Variants in MIDN observed in about 807,000 individuals in gnomAD.
MIDN encodes the protein midbrain nucleolar protein.
A neutral mutation model predicts 46.1 loss-of-function variants in MIDN; 26 were observed. The observed-to-expected ratio is 0.56, with a 90% CI of 0.41 to 0.78. The LOEUF (loss-of-function observed/expected upper bound fraction) is 0.78, where lower values mean the gene tolerates loss of function less well. Ranked by LOEUF, MIDN falls within the 30% of genes least tolerant of loss-of-function variation. The probability of loss-of-function intolerance (pLI) is 0.00; values close to 1 mark genes in which losing one functional copy is unlikely to be tolerated. For synonymous variants in MIDN, 432 were observed against 343.3 expected, an observed-to-expected ratio of 1.26 and a Z score of -2.86; for missense variants, 850 against 771.8, an observed-to-expected ratio of 1.10 and a Z score of -1.20.
intron 8 of MIDN, among the ~76,000 whole-genome samples, chr19:1,256,515 C>T (rs1340213981): frequency 6.6e-6 from 1 of 151,804 alleles, no homozygotes; most frequent in Non-Finnish European, 1.5e-5. Context: ...GTACAACCCC[C>T]AAGTATCTCC....
At chr19:1,255,148 A>G (rs2081182808) in intron 7 of MIDN, 87 bp downstream of exon 7, 9 of 1,453,066 alleles carry the variant, frequency 6.2e-6, no homozygotes, top group South Asian at 2.5e-5. Context: ...GCGACTCCAC[A>G]TATTCTGGGC....
At chr19:1,251,427 C>A in intron 2 of MIDN, 135 bp from the exon 3 acceptor site, 1 of 747,888 alleles carries the variant, frequency 1.3e-6, no homozygotes, top group Non-Finnish European at 2.1e-6. Flanking sequence ...GGCCCTGGAT[C>A]TGGAAGCCGG....
In MIDN at chr19:1,249,216, G is replaced by C. The variant is rs978645856; in HGVS notation, c.-408+556G>C. Among the ~76,000 whole-genome samples the C allele has an allele frequency of 9.5e-5, 14 of 148,080 alleles. No homozygotes were observed. The South Asian group carries it at 1.9e-3, about 20-fold the overall frequency. On this transcript the variant is annotated intron_variant, in intron 1 of 8. Transcript: ENST00000682408. ...CGCGGCCGGCGGGTGGGCGCGCGGG[G>C]CCCCCGGCGGCAGCCACCCGGCCAC...
At position 1,250,265 on chromosome 19, in the gene MIDN, CG is replaced by C; in HGVS notation, c.-31del. On this transcript the variant is annotated 5_prime_UTR_variant, in exon 2 of 9. Transcript: ENST00000682408. ...AGGCGCGGCGAGGATTGGCGGCGCC[CG>C]CCGCCCCCAGCCCCCCAGCGCGCGC... 1.1e-6 allele frequency: 1 copy of C among 922,996 alleles called. No homozygotes were observed. The highest frequency in any genetic ancestry group is 1.3e-6 in the Non-Finnish European group (1 of 773,408). The allele number at this position is 922,996 out of a possible 1,614,324, so 57.2% of individuals were successfully genotyped here.
chr19:1,254,814 C>G (rs886837187), intron 6 of MIDN, 88 bp from the exon 7 acceptor site: 8 of 1,450,822 alleles, frequency 5.5e-6, no homozygotes, highest in Non-Finnish European at 7.4e-6. Context: ...ATCTCCTGAC[C>G]TGGGCTGGTG....
chr19:1,252,326 C>T (rs965571076), intron 4 of MIDN, among the ~76,000 whole-genome samples: 6 of 152,146 alleles, frequency 3.9e-5, no homozygotes, highest in African/African-American at 1.4e-4. Flanking sequence ...TTGGGTGACA[C>T]TCCTTCCGCC....
chr19:1,252,422 G>C (rs1423524399), intron 4 of MIDN, among the ~76,000 whole-genome samples: 3 of 151,782 alleles, frequency 2.0e-5, no homozygotes, highest in African/African-American at 7.3e-5. Flanking sequence ...CGAAAGGGGA[G>C]GGGGCGGGGG....
At chr19:1,253,421 A>AC (rs59156314) in intron 4 of MIDN, among the ~76,000 whole-genome samples, 26,704 of 143,766 alleles carry the variant, frequency 0.19, 2,724 homozygotes, top group Admixed American at 0.29. Flanking sequence ...AACCTCCGCC[A>AC]CCCCCCCCCC....
chr19:1,251,468 C>T (rs2081126809), intron 2 of MIDN, 94 bp from the exon 3 acceptor site: 1 of 1,137,320 alleles, frequency 8.8e-7, no homozygotes, highest in African/African-American at 1.6e-5. Flanking sequence ...TTATCCGTCT[C>T]TCCCCACACA....
rs2081208469 is a variant in MIDN, at chr19:1,257,102, C to A, written c.1366C>A (p.Arg456=). Residue 456 remains arginine, a synonymous_variant, in exon 9 of 9, where the codon CGG becomes AGG. Transcript: ENST00000682408. The stretch of plus-strand genomic sequence containing the variant: ...CCGTAGAAAGGCCCGGCGGGACGCG[C>A]GGGGTCCGTACCACTGGTCACCCAG... ...RLRRKARRDA[R]GPYHWSPSRK... is the part of the protein sequence containing the mutation. 6.2e-7 allele frequency: 1 copy of A among 1,612,016 alleles called. No individual in the cohort carries two copies.
rs2081219623 is a variant in MIDN, at chr19:1,257,800, C to G, written c.*528C>G. The G allele has an allele frequency of 6.5e-6, 1 of 153,848 alleles. No homozygotes were observed. Among genetic ancestry groups the G allele is most frequent in the African/African-American group, 2.4e-5 (1 of 41,466 alleles). The allele number at this position is 153,848 out of a possible 1,614,324, so 9.5% of individuals were successfully genotyped here. ...CCCCCCAGTGCAGACTTCGGGGTCT[C>G]CACCCCAGGCCAGCAGCGCCCACTG... is the stretch of plus-strand genomic sequence containing the variant. On this transcript the variant is annotated 3_prime_UTR_variant, in exon 9 of 9. Coordinates refer to ENST00000682408, the MANE Select transcript of MIDN (RefSeq NM_001388306.1).
rs538696961 is a variant in MIDN at position 1,257,421 on chromosome 19, A to AT, written c.*156dup. The AT allele has an allele frequency of 2.6e-4, 164 of 633,496 alleles. No individual in the cohort carries two copies. In the East Asian group the frequency reaches 3.5e-3, roughly 13 times the overall value. 39.2% of individuals were successfully genotyped at this position (633,496 alleles called of 1,614,324 possible). A position where few individuals can be genotyped will look rare whatever the true frequency, so the allele number is the denominator to read the frequency against. On this transcript the variant is annotated 3_prime_UTR_variant, in exon 9 of 9. Transcript: ENST00000682408. ...TTTTTTTCTTTTCTTCTTTTTTATT[A>AT]TTTTTTTCTTTTTTTAAAAAGTTCT...
rs1174675534 is a variant in MIDN, at chr19:1,255,725, C to T, written c.1258+31C>T. 4 of 1,511,570 alleles carry T rather than the reference C, an allele frequency of 2.6e-6. No homozygotes were observed. In the East Asian group the frequency reaches 7.0e-5, roughly 26 times the overall value. The allele number at this position is 1,511,570 out of a possible 1,614,324, so 93.6% of individuals were successfully genotyped here. A position where few individuals can be genotyped will look rare whatever the true frequency, so the allele number is the denominator to read the frequency against. On this transcript the variant is annotated intron_variant, in intron 8 of 8. Coordinates refer to ENST00000682408, the MANE Select transcript of MIDN (RefSeq NM_001388306.1). ...TGGCCACCCTCGGGGGTCCTACCTT[C>T]CCCGCCCGCCTGGGCTTCTCAAGGC...
At position 1,254,895 on chromosome 19, in the gene MIDN, C is replaced by T. The variant is rs1195316857; in HGVS notation, c.826-7C>T. ...CCCCGTGCTCATGTGCCCCTTCCTCCCATCAGCAGATGGACTGCTCCCCCA... is the reference window on the plus strand; with the variant it reads ...CCCCGTGCTCATGTGCCCCTTCCTCTCATCAGCAGATGGACTGCTCCCCCA... On this transcript the variant is annotated splice_region_variant and splice_polypyrimidine_tract_variant and intron_variant, in intron 6 of 8. Transcript: ENST00000682408. 9 of 1,597,948 alleles carry T rather than the reference C, an allele frequency of 5.6e-6. No individual in the cohort carries two copies. Among genetic ancestry groups the T allele is most frequent in the Non-Finnish European group, 7.7e-6 (9 of 1,171,346 alleles).
intron 4 of MIDN, among the ~76,000 whole-genome samples, chr19:1,252,235 G>A (rs1198827877): frequency 6.6e-6 from 1 of 152,180 alleles, no homozygotes; most frequent in Non-Finnish European, 1.5e-5. Context: ...CCCCACCGAG[G>A]AGCCCCCCTC....
chr19:1,251,963 G>T (rs1020912577), intron 4 of MIDN, 62 bp downstream of exon 4: 5 of 1,412,352 alleles, frequency 3.5e-6, no homozygotes, highest in Non-Finnish European at 4.0e-6. Flanking sequence ...CTTGGCCACC[G>T]ACGGGGCCTG....
At chr19:1,255,181 C>A in intron 7 of MIDN, 120 bp downstream of exon 7, 1 of 1,277,672 alleles carries the variant, frequency 7.8e-7, no homozygotes. Context: ...TGTCCGTCTG[C>A]TCACTTCACA....
rs758714390 is a variant in MIDN, at chr19:1,255,565, G to A, written c.1129G>A (p.Ala377Thr). The A allele has an allele frequency of 2.3e-5, 37 of 1,611,670 alleles. No individual in the cohort carries two copies. The highest frequency in any genetic ancestry group is 1.6e-4 in the Middle Eastern group (1 of 6,082). ...TTCGCTGGCCCAGCTCCGCTGCCACGCCCAGTGCTCCCCGGCCTCACCGGC... is the reference window on the plus strand; with the variant it reads ...TTCGCTGGCCCAGCTCCGCTGCCACACCCAGTGCTCCCCGGCCTCACCGGC... ...PPSLAQLRCH[A>T]QCSPASPAPD... The change falls in exon 8 of 9, where the codon GCC (alanine) becomes ACC (threonine). Residue 377 changes from alanine (A) to threonine (T), a missense_variant. Ala to Thr is a moderately conservative substitution (Grantham distance 58). Transcript: ENST00000682408.
intron 4 of MIDN, among the ~76,000 whole-genome samples, 156 bp downstream of exon 4, chr19:1,252,057 ACCT>A (rs550757886): frequency 1.0e-3 from 152 of 151,486 alleles, no homozygotes; most frequent in Non-Finnish European, 1.6e-3. Context: ...TGGCCTCCCC[ACCT>A]CCTCTCCCCC....
Sources: allele counts gnomAD v4.1 joint callset (sites outside exome capture counted in the v4.1 genomes callset), GRCh38; gene constraint gnomAD v4.1.1; transcripts MANE v1.5; gene names NCBI Gene and HGNC (gene_info 2026-07-23, HGNC 2026-07-21).